Variants in RIMBP2 observed in about 807,000 individuals in gnomAD.
The protein encoded by RIMBP2 is RIMS-binding protein 2.
RIMBP2 carries 48 observed loss-of-function variants against 118.6 expected under a neutral mutation model. The ratio of observed to expected loss-of-function variants is 0.40; its 90% CI spans 0.32 to 0.51. RIMBP2 has a LOEUF of 0.51. Among genes scored for constraint, RIMBP2 ranks in the 20% least tolerant of loss-of-function variants. The pLI, the probability that RIMBP2 is intolerant of heterozygous loss-of-function variation, is 0.41. For synonymous variants in RIMBP2, 762 were observed against 742.9 expected (o/e 1.03, Z -0.42); for missense variants, 1,551 against 1,768.3 (o/e 0.88, Z 2.20).
At chr12:130,685,690 C>A (rs1334102482) in intron 1 of RIMBP2, among the ~76,000 whole-genome samples, 3 of 152,138 alleles carry the variant, frequency 2.0e-5, no homozygotes, top group African/African-American at 7.2e-5. Flanking sequence ...TTAAAGAGAT[C>A]CCGCGACTCT....
At chr12:130,553,572 C>T (rs10773794) in intron 2 of RIMBP2, among the ~76,000 whole-genome samples, 73,332 of 151,862 alleles carry the variant, frequency 0.48, 18,858 homozygotes, top group Admixed American at 0.6. Context: ...GGCAGAAACC[C>T]GTCTCTACCG....
intron 6 of RIMBP2, among the ~76,000 whole-genome samples, chr12:130,458,060 GCCC>G (rs769088612): frequency 6.8e-6 from 1 of 147,378 alleles, no homozygotes; most frequent in Non-Finnish European, 1.5e-5. Flanking sequence ...CTCAGCAACA[GCCC>G]CCCACCTCCC....
intron 6 of RIMBP2, among the ~76,000 whole-genome samples, chr12:130,459,686 T>G (rs2079801012): frequency 6.6e-6 from 1 of 152,050 alleles, no homozygotes. Context: ...CTGCCTGCTT[T>G]TGTTTGCAGG....
intron 22 of RIMBP2, chr12:130,398,932 A>G: frequency 3.0e-6 from 1 of 328,588 alleles, no homozygotes; most frequent in Non-Finnish European, 5.6e-6. Flanking sequence ...CTATAAATTC[A>G]GTTGCTTTAC....
At chr12:130,610,551 C>CTTTTTTTTTTTT (rs386378269) in intron 2 of RIMBP2, among the ~76,000 whole-genome samples, 3 of 81,564 alleles carry the variant, frequency 3.7e-5, no homozygotes, top group African/African-American at 1.4e-4. Context: ...AATTTTCCTG[C>CTTTTTTTTTTTT]TTTTTTTTTT....
In RIMBP2 at chr12:130,578,756, C is replaced by T. The variant is rs1198523815; in HGVS notation, c.-217+49566G>A. On this transcript the variant is annotated intron_variant, in intron 2 of 22. Transcript: ENST00000690449. This position sits in a 1 kb window ranked among gnomAD's most constrained non-coding sequence, Gnocchi z 4.1. ...CACTTGGCTTGTGCCTTCCACTGCA[C>T]GCTCCACTATCTGAAGTCGCAGGTC... 6.6e-6 allele frequency among the ~76,000 whole-genome samples: 1 copy of T among 152,184 alleles called. No homozygotes were observed. The highest frequency in any genetic ancestry group is 2.4e-5 in the African/African-American group (1 of 41,454).
chr12:130,563,044 A>T (rs2056937508), intron 2 of RIMBP2, among the ~76,000 whole-genome samples: 1 of 152,214 alleles, frequency 6.6e-6, no homozygotes, highest in Admixed American at 6.5e-5. Context: ...ACTGAGGACT[A>T]AACCAGAAGC....
At chr12:130,487,572 A>G (rs1218230821) in intron 4 of RIMBP2, among the ~76,000 whole-genome samples, 1 of 152,214 alleles carries the variant, frequency 6.6e-6, no homozygotes, top group Non-Finnish European at 1.5e-5. Flanking sequence ...GAACTGTGAG[A>G]TAAATTCGCT....
chr12:130,621,241 C>T lies in RIMBP2; in HGVS notation c.-217+7081G>A, dbSNP rs1317593656. 6.6e-6 allele frequency among the ~76,000 whole-genome samples: 1 copy of T among 152,140 alleles called. No homozygotes were observed. Among genetic ancestry groups the T allele is most frequent in the African/African-American group, 2.4e-5 (1 of 41,438 alleles). ...GGGTGATGGACTCCAGGTGGATCCT[C>T]CCCATGAGAGAAAAGCAGGGGGCAC... On this transcript the variant is annotated intron_variant, in intron 2 of 22. Coordinates refer to ENST00000690449, the MANE Select transcript of RIMBP2 (RefSeq NM_001393629.1). The surrounding 1 kb of genome is among the most constrained non-coding windows in gnomAD (Gnocchi z 6.6).
At chr12:130,404,322 C>T (rs767283632) in intron 21 of RIMBP2, among the ~76,000 whole-genome samples, 4 of 152,134 alleles carry the variant, frequency 2.6e-5, no homozygotes, top group Admixed American at 6.6e-5. Context: ...GTTTTTGAGA[C>T]GGAGTTTCAC....
intron 5 of RIMBP2, chr12:130,471,761 C>CA (rs1438497947): frequency 6.6e-6 from 1 of 152,430 alleles, no homozygotes; most frequent in Non-Finnish European, 1.5e-5. Context: ...TCCTGGATAG[C>CA]GGATCCTCTG....
chr12:130,670,759 A>C lies in RIMBP2; in HGVS notation c.-351-42303T>G, dbSNP rs777703119. On this transcript the variant is annotated intron_variant, in intron 1 of 22. Transcript: ENST00000690449. This position sits in a 1 kb window ranked among gnomAD's most constrained non-coding sequence, Gnocchi z 4.9. Reference sequence around the variant, plus strand: ...AGAAGTCTGTTAAAGAAGATTTAGGAAGACTTTTCTTTCCATTTATTTATT... The same window carrying C: ...AGAAGTCTGTTAAAGAAGATTTAGGCAGACTTTTCTTTCCATTTATTTATT... 6.6e-6 allele frequency among the ~76,000 whole-genome samples: 1 copy of C among 152,106 alleles called. No individual in the cohort carries two copies. The highest frequency in any genetic ancestry group is 1.5e-5 in the Non-Finnish European group (1 of 68,020).
rs1243559014 is a variant in RIMBP2, at chr12:130,703,770, G to A, written c.-352+12452C>T. On this transcript the variant is annotated intron_variant, in intron 1 of 22. Coordinates refer to ENST00000690449, the MANE Select transcript of RIMBP2 (RefSeq NM_001393629.1). This position sits in a 1 kb window ranked among gnomAD's most constrained non-coding sequence, Gnocchi z 5.7. ...TGCGTTTGAAACGGTGTTTCCTAGG[G>A]GAGAAGAAAGGAAAACAGCACCCAC... is the stretch of plus-strand genomic sequence containing the variant. 6.6e-6 allele frequency among the ~76,000 whole-genome samples: 1 copy of A among 152,106 alleles called. No homozygotes were observed. Among genetic ancestry groups the A allele is most frequent in the Non-Finnish European group, 1.5e-5 (1 of 68,022 alleles).
intron 6 of RIMBP2, among the ~76,000 whole-genome samples, chr12:130,457,438 T>C (rs2079549938): frequency 6.6e-6 from 1 of 152,158 alleles, no homozygotes; most frequent in African/African-American, 2.4e-5. Context: ...TCTCGGGACA[T>C]CTCTGACCCT....
At chr12:130,400,620 T>C (rs1171200673) in intron 21 of RIMBP2, among the ~76,000 whole-genome samples, 1 of 152,116 alleles carries the variant, frequency 6.6e-6, no homozygotes, top group African/African-American at 2.4e-5. Flanking sequence ...GTTTATATGG[T>C]CTAGGAAATG....
chr12:130,556,263 C>T (rs566936929), intron 2 of RIMBP2, among the ~76,000 whole-genome samples: 1 of 152,284 alleles, frequency 6.6e-6, no homozygotes, highest in African/African-American at 2.4e-5. Context: ...GCACTGTGGC[C>T]CAGACCTTCC....
chr12:130,576,211 G>A lies in RIMBP2; in HGVS notation c.-217+52111C>T, dbSNP rs535977121. Among the ~76,000 whole-genome samples, 1 of 152,290 alleles carries A rather than the reference G, an allele frequency of 6.6e-6. No homozygotes were observed. Among genetic ancestry groups the A allele is most frequent in the African/African-American group, 2.4e-5 (1 of 41,570 alleles). On this transcript the variant is annotated intron_variant, in intron 2 of 22. Coordinates refer to ENST00000690449, the MANE Select transcript of RIMBP2 (RefSeq NM_001393629.1). This position sits in a 1 kb window ranked among gnomAD's most constrained non-coding sequence, Gnocchi z 4.2. Reference sequence around the variant, plus strand: ...CTTTGTATCCTGAGCATGAGAAGACGTCTTTTTTACCTTTCTGTATCTTTT... The same window carrying A: ...CTTTGTATCCTGAGCATGAGAAGACATCTTTTTTACCTTTCTGTATCTTTT...
rs781308063 is a variant in RIMBP2 at position 130,445,215 on chromosome 12, C to A, written c.636G>T (p.Thr212=). 4 of 1,613,250 alleles carry A rather than the reference C, an allele frequency of 2.5e-6. No individual in the cohort carries two copies. Among genetic ancestry groups the A allele is most frequent in the South Asian group, 2.2e-5 (2 of 90,992 alleles). The change falls in exon 10 of 23, where the codon ACG becomes ACT. Residue 212 remains threonine, a synonymous_variant. Transcript: ENST00000690449. ...CATAGACGTAGAGGTATTTTCCCGC[C>A]GTGAGGGGCAGCTCAGCTTCGGGGT... ...NENPEAELPL[T]AGKYLYVYGD...
chr12:130,503,830 A>G (rs1471810125), intron 4 of RIMBP2, among the ~76,000 whole-genome samples: 2 of 152,194 alleles, frequency 1.3e-5, no homozygotes, highest in Admixed American at 1.3e-4. Context: ...CTGAGGTGGT[A>G]TATCTTAGTT....
Sources: gnomAD v4.1 joint callset for allele counts (sites outside exome capture counted in the v4.1 genomes callset) on GRCh38, gnomAD v4.1.1 for gene constraint, Gnocchi (gnomAD v3.1) non-coding constraint, MANE v1.5 for transcripts, NCBI Gene and HGNC (gene_info 2026-07-23, HGNC 2026-07-21) for gene names.